The following SH3KBP1 variants were observed in gnomAD, a reference collection of about 807,000 sequenced individuals.
SH3KBP1 encodes the protein SH3 domain-containing kinase-binding protein 1.
SH3KBP1 carries 8 observed loss-of-function variants against 50.1 expected under a neutral mutation model. The observed-to-expected ratio is 0.16, with a 90% CI of 0.09 to 0.29. The LOEUF (loss-of-function observed/expected upper bound fraction) is 0.29. SH3KBP1 is among the 10% of genes least tolerant of loss of function. SH3KBP1 has a pLI of 1.00. For missense variants in SH3KBP1, 377 were observed against 535.2 expected, an observed-to-expected ratio of 0.70 and a Z score of 2.92; for synonymous variants, 227 against 218.6, an observed-to-expected ratio of 1.04 and a Z score of -0.34.
chrX:19,553,065 C>T (rs724923), intron 13 of SH3KBP1, among the ~76,000 whole-genome samples: 1 of 111,313 alleles, frequency 9.0e-6, no homozygotes, highest in Non-Finnish European at 1.9e-5. Context: ...GCCAAAGGCT[C>T]GAATGATTGG....
chrX:19,802,108 G>C (rs1188908174), intron 2 of SH3KBP1, among the ~76,000 whole-genome samples: 4 of 108,285 alleles, frequency 3.7e-5, no homozygotes, highest in Non-Finnish European at 7.7e-5. Context: ...GAACATGCCT[G>C]GAGGCTCAGT....
At chrX:19,809,718 G>A (rs771756863) in intron 2 of SH3KBP1, among the ~76,000 whole-genome samples, 5 of 111,955 alleles carry the variant, frequency 4.5e-5, no homozygotes, top group East Asian at 2.8e-4. Context: ...CATGGAAAAC[G>A]ATAATTAATA....
At chrX:19,719,362 G>A (rs2063996012) in intron 3 of SH3KBP1, among the ~76,000 whole-genome samples, 1 of 111,249 alleles carries the variant, frequency 9.0e-6, no homozygotes, top group Non-Finnish European at 1.9e-5. Flanking sequence ...AGAGTCTAAT[G>A]CCTCATTTAA....
At chrX:19,810,932 C>CA (rs1465880251) in intron 2 of SH3KBP1, among the ~76,000 whole-genome samples, 1 of 111,866 alleles carries the variant, frequency 8.9e-6, no homozygotes, top group Admixed American at 9.5e-5. Context: ...TCAATAAGCA[C>CA]AAAGAAGTGA....
intron 5 of SH3KBP1, among the ~76,000 whole-genome samples, chrX:19,694,321 T>C (rs374392661): frequency 9.0e-6 from 1 of 111,388 alleles, no homozygotes; most frequent in East Asian, 2.8e-4. Context: ...CTAACACGGA[T>C]TTTGAAAGCA....
In SH3KBP1 at chrX:19,780,710, C is replaced by T. The variant is rs1309095182; in HGVS notation, c.163-34269G>A. Among the ~76,000 whole-genome samples the T allele has an allele frequency of 3.7e-5, 4 of 107,192 alleles. No individual in the cohort carries two copies. In the Admixed American group the frequency reaches 4.1e-4, roughly 11 times the overall value. 93.1% of individuals were successfully genotyped at this position (107,192 alleles called of 115,157 possible). On this transcript the variant is annotated intron_variant, in intron 2 of 17. Transcript: ENST00000397821. Reference sequence around the variant, plus strand: ...ATTTATTAAATAGGGAATCCTTTCCCCATTGCTTGTTTTTCTCAGGTTTGT... The same window carrying T: ...ATTTATTAAATAGGGAATCCTTTCCTCATTGCTTGTTTTTCTCAGGTTTGT...
In SH3KBP1 at chrX:19,737,891, A is replaced by G. The variant is rs1308617705; in HGVS notation, c.286+8427T>C. On this transcript the variant is annotated intron_variant, in intron 3 of 17. Coordinates refer to ENST00000397821, the MANE Select transcript of SH3KBP1 (RefSeq NM_031892.3). ...GGACTGGCTTTCAAGTTTCAGATTC[A>G]AAGAATGTTCTCCTAGCATCATCTA... Among the ~76,000 whole-genome samples the G allele has an allele frequency of 1.8e-5, 2 of 110,344 alleles. 1 individual carries two copies. Among genetic ancestry groups the G allele is most frequent in the East Asian group, 5.6e-4 (2 of 3,578 alleles).
chrX:19,887,340 C>T lies in SH3KBP1; in HGVS notation c.-30G>A. The T allele has an allele frequency of 1.0e-6, 1 of 973,360 alleles. No individual in the cohort carries two copies. The highest frequency in any genetic ancestry group is 1.3e-6 in the Non-Finnish European group (1 of 773,522). The allele number at this position is 973,360 out of a possible 1,213,427, so 80.2% of individuals were successfully genotyped here. On this transcript the variant is annotated 5_prime_UTR_variant, in exon 1 of 18. Coordinates refer to ENST00000397821, the MANE Select transcript of SH3KBP1 (RefSeq NM_031892.3). ...GTCGAGCCGGGCCGGGCCGCCGAGGCAGCGTGAAAGTTGGCGGAGGCGGGC... is the reference window on the plus strand; with the variant it reads ...GTCGAGCCGGGCCGGGCCGCCGAGGTAGCGTGAAAGTTGGCGGAGGCGGGC...
At position 19,833,872 on chromosome X, in the gene SH3KBP1, G is replaced by A. The variant is rs1293252208; in HGVS notation, c.162+2253C>T. The stretch of plus-strand genomic sequence containing the variant: ...AGGGATGCTCCTTTCCTAAAACTGG[G>A]GTCTTTGTTGGGATATGCAAAAGAA... On this transcript the variant is annotated intron_variant, in intron 2 of 17. Coordinates refer to ENST00000397821, the MANE Select transcript of SH3KBP1 (RefSeq NM_031892.3). Among the ~76,000 whole-genome samples the A allele has an allele frequency of 3.6e-5, 4 of 111,669 alleles. No individual in the cohort carries two copies. The Admixed American group carries it at 3.8e-4, about 11-fold the overall frequency.
In SH3KBP1 at chrX:19,839,537, G is replaced by A. The variant is rs142637921; in HGVS notation, c.5-3255C>T. Among the ~76,000 whole-genome samples, 679 of 111,382 alleles carry A rather than the reference G, an allele frequency of 6.1e-3. 3 individuals carry two copies. Among genetic ancestry groups the A allele is most frequent in the African/African-American group, 9.5e-3 (292 of 30,661 alleles). ...TTGTTTGTAGAGACAGGATTTCACCGTGTTGGTCAGGCTGACTTCAAATGT... is the reference window on the plus strand; with the variant it reads ...TTGTTTGTAGAGACAGGATTTCACCATGTTGGTCAGGCTGACTTCAAATGT... On this transcript the variant is annotated intron_variant, in intron 1 of 17. Transcript: ENST00000397821.
chrX:19,683,222 C>A (rs1322906610), intron 6 of SH3KBP1: 2 of 320,558 alleles, frequency 6.2e-6, no homozygotes, highest in South Asian at 2.8e-5. Flanking sequence ...CAGCAACATG[C>A]TGCCTGCCTC....
intron 2 of SH3KBP1, chrX:19,747,571 G>T (rs2064952838): frequency 3.0e-6 from 1 of 337,147 alleles, no homozygotes; most frequent in Non-Finnish European, 6.0e-6. Flanking sequence ...CTAGGCCCGA[G>T]CAGAGGGCAG....
chrX:19,704,446 T>C (rs2063607324), intron 4 of SH3KBP1, among the ~76,000 whole-genome samples: 1 of 112,912 alleles, frequency 8.9e-6, no homozygotes, highest in Non-Finnish European at 1.9e-5. Flanking sequence ...ATTATTACAA[T>C]ATTAAAAGAA....
chrX:19,810,684 G>C (rs7053751), intron 2 of SH3KBP1, among the ~76,000 whole-genome samples: 16,800 of 111,653 alleles, frequency 0.15, 1,108 homozygotes, highest in African/African-American at 0.24. Context: ...CCCTAGACTT[G>C]ATTGTCACCT....
intron 15 of SH3KBP1, among the ~76,000 whole-genome samples, chrX:19,542,785 C>T (rs2064964154): frequency 1.8e-5 from 2 of 111,826 alleles, no homozygotes; most frequent in South Asian, 7.4e-4. Context: ...AGGCAAAGGT[C>T]TAGAGACCGC....
In SH3KBP1 at chrX:19,774,619, C is replaced by T. The variant is rs976205003; in HGVS notation, c.163-28178G>A. Among the ~76,000 whole-genome samples the T allele has an allele frequency of 4.9e-5, 5 of 101,246 alleles. No individual in the cohort carries two copies. The Admixed American group carries it at 5.6e-4, about 11-fold the overall frequency. 87.9% of individuals were successfully genotyped at this position (101,246 alleles called of 115,157 possible). A position where few individuals can be genotyped will look rare whatever the true frequency, so the allele number is the denominator to read the frequency against. On this transcript the variant is annotated intron_variant, in intron 2 of 17. Transcript: ENST00000397821. ...CCAGGAGGCGGAGCTTACAGTGAGC[C>T]GAGTTCACGCCACTGCACTCCCCTG... is the stretch of plus-strand genomic sequence containing the variant.
At chrX:19,830,508 A>G (rs941334404) in intron 2 of SH3KBP1, among the ~76,000 whole-genome samples, 1 of 111,496 alleles carries the variant, frequency 9.0e-6, no homozygotes, top group African/African-American at 3.3e-5. Context: ...TATAATCCCA[A>G]CACTTTAGGA....
chrX:19,619,573 C>T (rs1313714411), intron 8 of SH3KBP1, among the ~76,000 whole-genome samples: 1 of 111,231 alleles, frequency 9.0e-6, no homozygotes, highest in African/African-American at 3.3e-5. Context: ...ATCACTTGAG[C>T]TCAGGAGTTT....
Position 19,576,319 on chromosome X carries a change from T to C in SH3KBP1, c.1299-7131A>G, listed in dbSNP as rs753124278. Among the ~76,000 whole-genome samples the C allele has an allele frequency of 6.5e-5, 7 of 108,331 alleles. No individual in the cohort carries two copies. In the South Asian group the frequency reaches 2.0e-3, roughly 31 times the overall value. 94.1% of individuals were successfully genotyped at this position (108,331 alleles called of 115,157 possible). ...GGTATAAGTAGAACCTATGATCCCA[T>C]AGAAATAACAGCAGCTCACCCCCTT... On this transcript the variant is annotated intron_variant, in intron 12 of 17. Transcript: ENST00000397821.
Sources: allele counts gnomAD v4.1 joint callset (sites outside exome capture counted in the v4.1 genomes callset), GRCh38; gene constraint gnomAD v4.1.1; transcripts MANE v1.5; gene names NCBI Gene and HGNC (gene_info 2026-07-23, HGNC 2026-07-21).